RERE: variants seen among roughly 807,000 people sequenced by gnomAD.
RERE encodes arginine-glutamic acid dipeptide repeats protein.
A neutral mutation model predicts 146.1 loss-of-function variants in RERE; 40 were observed. The observed-to-expected ratio is 0.27, with a 90% confidence interval of 0.21 to 0.36. The LOEUF is 0.36. Ranked by LOEUF, RERE falls within the 10% of genes least tolerant of loss-of-function variation. RERE has a pLI of 1.00. For missense variants in RERE, 1,933 were observed against 2,138.7 expected (o/e 0.90, Z 1.90); for synonymous variants, 1,003 against 866.0 (o/e 1.16, Z -2.78).
At chr1:8,551,176 G>A (rs1645930918) in intron 6 of RERE, among the ~76,000 whole-genome samples, 1 of 152,168 alleles carries the variant, frequency 6.6e-6, no homozygotes, top group Admixed American at 6.5e-5. Context: ...TCAGAAAGCT[G>A]GAAAACAGTC....
intron 4 of RERE, among the ~76,000 whole-genome samples, chr1:8,604,993 T>G (rs1646684271): frequency 6.6e-6 from 1 of 152,288 alleles, no homozygotes; most frequent in Admixed American, 6.5e-5. Context: ...AGCTGATAAT[T>G]TTTTGTAATC....
chr1:8,706,878 A>T (rs1250197227), intron 1 of RERE, among the ~76,000 whole-genome samples: 1 of 152,246 alleles, frequency 6.6e-6, no homozygotes, highest in East Asian at 1.9e-4. Flanking sequence ...TATTACAACA[A>T]AAACTATAAT....
intron 1 of RERE, among the ~76,000 whole-genome samples, chr1:8,701,974 A>G (rs1220503931): frequency 2.0e-5 from 3 of 152,186 alleles, no homozygotes; most frequent in African/African-American, 7.2e-5. Flanking sequence ...GCTTCTGGAA[A>G]TAATTGCCCA....
At chr1:8,371,808 T>C (rs1373915426) in intron 12 of RERE, among the ~76,000 whole-genome samples, 1 of 152,210 alleles carries the variant, frequency 6.6e-6, no homozygotes, top group African/African-American at 2.4e-5. Context: ...CAGGTATTAA[T>C]ACTGGTTCTG....
chr1:8,688,491 G>A (rs971920333), intron 1 of RERE, among the ~76,000 whole-genome samples: 1 of 152,096 alleles, frequency 6.6e-6, no homozygotes, highest in South Asian at 2.1e-4. Flanking sequence ...AACCCAGGAG[G>A]TGGAGGTTGC....
At chr1:8,767,838 C>T (rs922455441) in intron 1 of RERE, among the ~76,000 whole-genome samples, 2 of 151,938 alleles carry the variant, frequency 1.3e-5, no homozygotes, top group Admixed American at 6.6e-5. Flanking sequence ...TGGTGGTGCA[C>T]GCCTGTAGTC....
At chr1:8,412,528 T>G (rs1377185225) in intron 12 of RERE, among the ~76,000 whole-genome samples, 4 of 152,230 alleles carry the variant, frequency 2.6e-5, no homozygotes, top group Admixed American at 2.0e-4. Flanking sequence ...AGTGTGTGTG[T>G]TCATGTGCAC....
At chr1:8,391,182 T>G (rs1047315210) in intron 12 of RERE, among the ~76,000 whole-genome samples, 1 of 152,174 alleles carries the variant, frequency 6.6e-6, no homozygotes, top group Non-Finnish European at 1.5e-5. Flanking sequence ...AGCACAAAAC[T>G]CTAGCAAGGT....
chr1:8,677,243 A>G (rs1031105815), intron 1 of RERE, among the ~76,000 whole-genome samples: 2 of 152,104 alleles, frequency 1.3e-5, no homozygotes, highest in African/African-American at 4.8e-5. Context: ...CAGCCTGGCC[A>G]ACATGGTAAA....
intron 2 of RERE, among the ~76,000 whole-genome samples, chr1:8,644,470 C>G (rs772901559): frequency 1.1e-4 from 17 of 152,186 alleles, no homozygotes; most frequent in Non-Finnish European, 2.1e-4. Flanking sequence ...GTGAGCCACT[C>G]TAACAACACA....
Position 8,354,915 on chromosome 1 carries a change from C to T in RERE, c.*172G>A, listed in dbSNP as rs539005796. On this transcript the variant is annotated 3_prime_UTR_variant, in exon 23 of 23. Transcript: ENST00000400908. ...CCAAACCAGTCTCAGGAAATCCTCT[C>T]GACAAACGAACACTACTATGTGGAT... 23 of 620,046 alleles carry T rather than the reference C, an allele frequency of 3.7e-5. No individual in the cohort carries two copies. The Admixed American group carries it at 4.3e-4, about 11-fold the overall frequency. 38.4% of individuals were successfully genotyped at this position (620,046 alleles called of 1,614,324 possible).
At chr1:8,645,810 C>A (rs1219773010) in intron 2 of RERE, among the ~76,000 whole-genome samples, 1 of 152,156 alleles carries the variant, frequency 6.6e-6, no homozygotes, top group Non-Finnish European at 1.5e-5. Flanking sequence ...TCTATCCTCA[C>A]GAAGTAATAA....
intron 1 of RERE, among the ~76,000 whole-genome samples, chr1:8,764,382 TACTAA>T (rs1263109539): frequency 4.6e-5 from 7 of 151,992 alleles, no homozygotes; most frequent in Non-Finnish European, 1.0e-4. Flanking sequence ...CTGCTTCGGG[TACTAA>T]CTCCAAGACA....
chr1:8,504,751 G>C (rs1208535765), intron 8 of RERE, among the ~76,000 whole-genome samples: 1 of 152,130 alleles, frequency 6.6e-6, no homozygotes, highest in Non-Finnish European at 1.5e-5. Flanking sequence ...TACTCAGGAG[G>C]CTGAGGCAGG....
intron 8 of RERE, among the ~76,000 whole-genome samples, chr1:8,498,108 C>T (rs1429370931): frequency 3.3e-5 from 5 of 152,194 alleles, no homozygotes; most frequent in African/African-American, 1.2e-4. Flanking sequence ...CGCCTGTAAT[C>T]CCAGCACTTT....
intron 1 of RERE, among the ~76,000 whole-genome samples, chr1:8,694,973 A>AGT: frequency 3.0e-5 from 1 of 33,182 alleles, no homozygotes; most frequent in South Asian, 1.1e-3. Context: ...AGAAATCCTA[A>AGT]GGGGGGGGGG....
chr1:8,360,714 C>A lies in RERE; in HGVS notation c.2793G>T (p.Pro931=). The A allele has an allele frequency of 1.3e-6, 2 of 1,566,508 alleles. No homozygotes were observed. Among genetic ancestry groups the A allele is most frequent in the Non-Finnish European group, 1.7e-6 (2 of 1,158,836 alleles). The part of the protein sequence containing the change: ...APLAMPHIKP[P]PTTPIPQLPA... ...GCAGCTGGGGGATGGGAGTGGTAGG[C>A]GGGGGCTTGATGTGGGGCATGGCCA... The change falls in exon 18 of 23, where the codon CCG becomes CCT. Residue 931 remains proline (P), a synonymous_variant. Coordinates refer to ENST00000400908, the MANE Select transcript of RERE (RefSeq NM_001042681.2).
chr1:8,575,461 A>C (rs1180268244), intron 4 of RERE, among the ~76,000 whole-genome samples: 4 of 146,120 alleles, frequency 2.7e-5, no homozygotes, highest in African/African-American at 1.0e-4. Flanking sequence ...AGTTCACTGC[A>C]GCCTCAACAT....
chr1:8,633,240 C>A (rs904514626), intron 2 of RERE, among the ~76,000 whole-genome samples: 2 of 152,086 alleles, frequency 1.3e-5, no homozygotes, highest in Non-Finnish European at 2.9e-5. Context: ...AGCAACATAG[C>A]AAGACTCCAT....
Sources: gnomAD v4.1 joint callset for allele counts (sites outside exome capture counted in the v4.1 genomes callset) on GRCh38, gnomAD v4.1.1 for gene constraint, MANE v1.5 for transcripts, NCBI Gene and HGNC (gene_info 2026-07-23, HGNC 2026-07-21) for gene names.